CUL2: variants seen among roughly 807,000 people sequenced by gnomAD.
The protein encoded by CUL2 is cullin-2.
CUL2 carries 22 observed loss-of-function variants against 110.2 expected under a neutral mutation model. The ratio of observed to expected loss-of-function variants is 0.20; its 90% CI spans 0.14 to 0.28. The LOEUF (loss-of-function observed/expected upper bound fraction) is 0.28, where lower values mean the gene tolerates loss of function less well. CUL2 is among the 10% of genes least tolerant of loss of function. The probability of loss-of-function intolerance (pLI) is 1.00; values close to 1 mark genes in which losing one functional copy is unlikely to be tolerated. For missense variants in CUL2, 631 were observed against 905.5 expected, an observed-to-expected ratio of 0.70 and a Z score of 3.89; for synonymous variants, 279 against 293.2, an observed-to-expected ratio of 0.95 and a Z score of 0.49.
intron 1 of CUL2, among the ~76,000 whole-genome samples, chr10:35,111,256 AT>A (rs767165082): frequency 0.019 from 2,712 of 144,722 alleles, 24 homozygotes; most frequent in African/African-American, 0.021. Flanking sequence ...TTATGAGAAG[AT>A]TTTTTTTTTT....
At chr10:35,032,970 C>T (rs2085516108) in intron 11 of CUL2, among the ~76,000 whole-genome samples, 196 bp downstream of exon 11, 2 of 152,076 alleles carry the variant, frequency 1.3e-5, no homozygotes, top group African/African-American at 2.4e-5. Flanking sequence ...AATCACGGGA[C>T]ATTCTACAAG....
At chr10:35,117,654 T>G (rs2087625545) in intron 1 of CUL2, among the ~76,000 whole-genome samples, 1 of 152,146 alleles carries the variant, frequency 6.6e-6, no homozygotes, top group South Asian at 2.1e-4. Context: ...ATAGAAGAGT[T>G]GGGAATATAC....
At chr10:35,021,140 T>C (rs1174458024) in intron 17 of CUL2, among the ~76,000 whole-genome samples, 2 of 152,030 alleles carry the variant, frequency 1.3e-5, no homozygotes, top group South Asian at 2.1e-4. Flanking sequence ...CAGAAGACTT[T>C]GTAGGGAGCA....
At chr10:35,067,139 CAAAA>C (rs71523356) in intron 2 of CUL2, among the ~76,000 whole-genome samples, 2 of 76,834 alleles carry the variant, frequency 2.6e-5, no homozygotes. Flanking sequence ...AACTCCATCT[CAAAA>C]AAAAAAAAAA....
chr10:35,124,235 G>A (rs143367908), intron 1 of CUL2, among the ~76,000 whole-genome samples: 5 of 152,150 alleles, frequency 3.3e-5, no homozygotes, highest in African/African-American at 9.6e-5. Flanking sequence ...ATCTGATGAG[G>A]AAAATAGGTC....
chr10:35,044,190 G>A (rs925261523), intron 8 of CUL2, among the ~76,000 whole-genome samples: 1 of 151,504 alleles, frequency 6.6e-6, no homozygotes, highest in African/African-American at 2.4e-5. Context: ...TCATTTTAAA[G>A]GAAGAAAAAA....
chr10:35,029,962 C>T (rs1444592963), intron 14 of CUL2, among the ~76,000 whole-genome samples: 6 of 152,162 alleles, frequency 3.9e-5, no homozygotes, highest in Admixed American at 3.9e-4. Context: ...ACATAAGATA[C>T]CTTAAAAGGA....
rs577208462 is a variant in CUL2 at position 35,038,865 on chromosome 10, T to A, written c.877+55A>T. On this transcript the variant is annotated intron_variant, in intron 9 of 20. Coordinates refer to ENST00000374749, the MANE Select transcript of CUL2 (RefSeq NM_003591.4). ...CATTAAATCAAGGGTGACTAGAGGA[T>A]GATATAAAAGGTGGATTTATAATTT... 1.1e-4 allele frequency: 131 copies of A among 1,197,044 alleles called. 1 individual carries two copies. The East Asian group carries it at 1.7e-3, about 15-fold the overall frequency. The allele number at this position is 1,197,044 out of a possible 1,614,324, so 74.2% of individuals were successfully genotyped here.
chr10:35,093,899 T>A (rs2087253331), upstream of CUL2, among the ~76,000 whole-genome samples: 1 of 152,124 alleles, frequency 6.6e-6, no homozygotes, highest in Admixed American at 6.6e-5. Flanking sequence ...TCAAATTTTT[T>A]TTATTTTGGA....
At chr10:35,103,778 G>A (rs575114621) in intron 1 of CUL2, among the ~76,000 whole-genome samples, 26 of 152,158 alleles carry the variant, frequency 1.7e-4, no homozygotes, top group African/African-American at 4.8e-4. Context: ...TGTTTTCACC[G>A]ATGCAGGATT....
intron 1 of CUL2, among the ~76,000 whole-genome samples, chr10:35,087,802 C>G (rs559259974): frequency 6.6e-6 from 1 of 152,230 alleles, no homozygotes; most frequent in Non-Finnish European, 1.5e-5. Context: ...CCTTGTGTCT[C>G]TCTTCTCCAA....
chr10:35,012,817 C>T (rs2084938216), intron 19 of CUL2, among the ~76,000 whole-genome samples: 1 of 152,074 alleles, frequency 6.6e-6, no homozygotes, highest in Non-Finnish European at 1.5e-5. Context: ...GACTGCACAC[C>T]GGAGGCAATC....
intron 1 of CUL2, among the ~76,000 whole-genome samples, chr10:35,073,011 C>G (rs1265740130): frequency 6.6e-6 from 1 of 152,004 alleles, no homozygotes; most frequent in African/African-American, 2.4e-5. Context: ...GGATGGCGGC[C>G]GCACCACCAG....
chr10:35,016,152 T>G (rs2085026634), intron 18 of CUL2, 40 bp downstream of exon 18: 1 of 1,525,660 alleles, frequency 6.6e-7, no homozygotes, highest in South Asian at 1.2e-5. Context: ...AAAGCTTTAA[T>G]GCTGATGATG....
intron 1 of CUL2, among the ~76,000 whole-genome samples, chr10:35,103,322 T>TA (rs201437691): frequency 0.031 from 3,691 of 118,248 alleles, 161 homozygotes; most frequent in African/African-American, 0.11. Flanking sequence ...TTTTTTTTTT[T>TA]TTTTTTTTTT....
intron 17 of CUL2, among the ~76,000 whole-genome samples, chr10:35,021,476 T>C (rs75747881): frequency 1.6e-4 from 25 of 151,630 alleles, no homozygotes; most frequent in Admixed American, 2.6e-4. Flanking sequence ...CACACAAATA[T>C]GTAGTGATAA....
At chr10:35,126,374 T>C (rs1468437215) in intron 1 of CUL2, among the ~76,000 whole-genome samples, 2 of 152,086 alleles carry the variant, frequency 1.3e-5, no homozygotes, top group African/African-American at 4.8e-5. Context: ...TGACTGGCTG[T>C]GAATATGGAG....
At chr10:35,084,199 C>T (rs940069290) in intron 1 of CUL2, among the ~76,000 whole-genome samples, 2 of 152,146 alleles carry the variant, frequency 1.3e-5, no homozygotes, top group Non-Finnish European at 2.9e-5. Context: ...ATCACTTGAA[C>T]CCAGGAGGCA....
At chr10:35,049,617 A>G (rs1471242719) in intron 6 of CUL2, 66 bp downstream of exon 6, 2 of 1,333,956 alleles carry the variant, frequency 1.5e-6, no homozygotes, top group Non-Finnish European at 2.1e-6. Flanking sequence ...GCAATTGTAC[A>G]CTATTTTAAA....
Sources: allele counts gnomAD v4.1 joint callset (sites outside exome capture counted in the v4.1 genomes callset), GRCh38; gene constraint gnomAD v4.1.1; transcripts MANE v1.5; gene names NCBI Gene and HGNC (gene_info 2026-07-23, HGNC 2026-07-21).